Variants in CACNA1E observed in about 807,000 individuals in gnomAD.
CACNA1E encodes the protein calcium voltage-gated channel subunit alpha1 E.
In CACNA1E, 40 loss-of-function variants were observed where a neutral mutation model predicts 259.2. The observed-to-expected ratio is 0.15, with a 90% CI of 0.12 to 0.20. The LOEUF (loss-of-function observed/expected upper bound fraction) is 0.20, where lower values mean the gene tolerates loss of function less well. Ranked by LOEUF, CACNA1E falls within the 10% of genes least tolerant of loss-of-function variation. The pLI is 1.00. For synonymous variants in CACNA1E, 1,104 were observed against 1,138.5 expected, an observed-to-expected ratio of 0.97 and a Z score of 0.61; for missense variants, 1,874 against 3,040.1, an observed-to-expected ratio of 0.62 and a Z score of 9.02.
At chr1:181,541,987 T>A (rs1272558296) in intron 3 of CACNA1E, among the ~76,000 whole-genome samples, 3 of 152,194 alleles carry the variant, frequency 2.0e-5, no homozygotes, top group Non-Finnish European at 4.4e-5. Context: ...CATTGCCATA[T>A]CTTCCTTGCT....
At chr1:181,770,498 A>G (rs563756011) in intron 35 of CACNA1E, among the ~76,000 whole-genome samples, 100 of 152,154 alleles carry the variant, frequency 6.6e-4, no homozygotes, top group African/African-American at 2.4e-3. Flanking sequence ...AGATCAGCAA[A>G]TCTCATTCTG....
intron 1 of CACNA1E, among the ~76,000 whole-genome samples, chr1:181,406,502 T>G (rs1254384394): frequency 6.6e-6 from 1 of 152,142 alleles, no homozygotes; most frequent in Non-Finnish European, 1.5e-5. Flanking sequence ...GTTCAAGAAA[T>G]TCTCTGCCTC....
At chr1:181,536,654 G>T (rs1487344461) in intron 3 of CACNA1E, among the ~76,000 whole-genome samples, 1 of 152,120 alleles carries the variant, frequency 6.6e-6, no homozygotes, top group African/African-American at 2.4e-5. Flanking sequence ...ATGTCTGTTT[G>T]TGCAAACTTC....
chr1:181,612,468 A>G (rs1360243113), intron 6 of CACNA1E, among the ~76,000 whole-genome samples: 2 of 152,154 alleles, frequency 1.3e-5, no homozygotes, highest in Non-Finnish European at 1.5e-5. Flanking sequence ...GAAACAATCA[A>G]CTGTCAGGGC....
chr1:181,711,354 C>T (rs1025628522), intron 8 of CACNA1E, among the ~76,000 whole-genome samples: 2 of 152,132 alleles, frequency 1.3e-5, no homozygotes, highest in East Asian at 1.9e-4. Context: ...GGGCTGATGG[C>T]GTTTTGTAAT....
At chr1:181,548,152 T>C (rs1647717304) in intron 3 of CACNA1E, among the ~76,000 whole-genome samples, 1 of 139,496 alleles carries the variant, frequency 7.2e-6, no homozygotes, top group Non-Finnish European at 1.6e-5. Context: ...TGAGTCAGGG[T>C]CTCATTCTGT....
intron 3 of CACNA1E, among the ~76,000 whole-genome samples, chr1:181,576,856 T>C (rs1364929555): frequency 1.3e-5 from 2 of 152,214 alleles, no homozygotes; most frequent in African/African-American, 4.8e-5. Flanking sequence ...AAATACCATG[T>C]CATTTTATTT....
At chr1:181,362,955 G>A (rs188963613) in intron 1 of CACNA1E, among the ~76,000 whole-genome samples, 1 of 152,298 alleles carries the variant, frequency 6.6e-6, no homozygotes, top group Admixed American at 6.5e-5. Context: ...CAAGAGGCGT[G>A]GAGAGAGGGT....
At chr1:181,346,765 T>C (rs1652624336) in intron 1 of CACNA1E, among the ~76,000 whole-genome samples, 1 of 152,166 alleles carries the variant, frequency 6.6e-6, no homozygotes, top group South Asian at 2.1e-4. Context: ...GGAGGCACCA[T>C]GGGCAGGGAC....
At chr1:181,579,015 C>T (rs1651257602) in intron 4 of CACNA1E, 57 bp from the exon 5 acceptor site, 4 of 1,423,222 alleles carry the variant, frequency 2.8e-6, no homozygotes, top group Non-Finnish European at 3.8e-6. Context: ...CTAATCCTCC[C>T]CTATCAGATG....
At chr1:181,779,690 C>G (rs1401036400) in intron 38 of CACNA1E, among the ~76,000 whole-genome samples, 3 of 152,122 alleles carry the variant, frequency 2.0e-5, no homozygotes, top group Admixed American at 2.0e-4. Flanking sequence ...CTTCCAGAAC[C>G]AGCAGCTGTT....
At chr1:181,654,756 G>A (rs527668797) in intron 7 of CACNA1E, among the ~76,000 whole-genome samples, 2 of 152,124 alleles carry the variant, frequency 1.3e-5, no homozygotes, top group South Asian at 2.1e-4. Context: ...AGGCCGAGGC[G>A]GGCAGATCAC....
chr1:181,362,541 A>T lies in CACNA1E; in HGVS notation c.-15+44418A>T, dbSNP rs78604848. Among the ~76,000 whole-genome samples, 1,041 of 152,316 alleles carry T rather than the reference A, an allele frequency of 6.8e-3. 9 individuals carry two copies. The highest frequency in any genetic ancestry group is 0.024 in the African/African-American group (987 of 41,560). On this transcript the variant is annotated intron_variant, in intron 1 of 11. Transcript: ENST00000524607. ...GAGATGATGATACTGTTTGCCTCAC[A>T]CATCTTACAGGCTTGTTGCTTGAAA...
At chr1:181,699,796 G>C (rs1652054263) in intron 7 of CACNA1E, among the ~76,000 whole-genome samples, 1 of 152,102 alleles carries the variant, frequency 6.6e-6, no homozygotes, top group Non-Finnish European at 1.5e-5. Flanking sequence ...GGCTGAGGTT[G>C]GGATGAGAAA....
intron 1 of CACNA1E, among the ~76,000 whole-genome samples, chr1:181,369,231 G>A (rs1317664537): frequency 1.3e-5 from 2 of 152,244 alleles, no homozygotes; most frequent in African/African-American, 4.8e-5. Context: ...TCCACTAATT[G>A]AAGCCTTGCT....
chr1:181,751,213 G>A (rs532363677), intron 26 of CACNA1E, among the ~76,000 whole-genome samples: 6 of 152,280 alleles, frequency 3.9e-5, no homozygotes, highest in South Asian at 2.1e-4. Context: ...TATCTCAGGG[G>A]ATGAACAGAG....
chr1:181,798,627 T>C lies in CACNA1E; in HGVS notation c.6735T>C (p.Gly2245=), dbSNP rs2102912349. ...LHEDSHASDC[G]EEETLTFEAA... ...AAGACTCCCACGCCTCAGACTGTGG[T>C]GAGGAGGAGACGCTCACTTTCGAAG... Residue 2245 remains glycine, a synonymous_variant, in exon 48 of 48, where the codon GGT becomes GGC. Transcript: ENST00000367573. The surrounding 1 kb of genome is among the most constrained non-coding windows in gnomAD (Gnocchi z 4.2). 1 of 1,612,162 alleles carries C rather than the reference T, an allele frequency of 6.2e-7. No homozygotes were observed. The highest frequency in any genetic ancestry group is 8.5e-7 in the Non-Finnish European group (1 of 1,178,940).
At chr1:181,668,785 T>A (rs1264294793) in intron 7 of CACNA1E, 1 of 152,144 alleles carries the variant, frequency 6.6e-6, no homozygotes, top group Admixed American at 6.6e-5. Context: ...ATCCCAGCAC[T>A]TTGAGAGGTT....
At chr1:181,386,280 G>A (rs570787127) in intron 1 of CACNA1E, among the ~76,000 whole-genome samples, 8 of 152,306 alleles carry the variant, frequency 5.3e-5, no homozygotes, top group South Asian at 2.1e-4. Context: ...GGGATACTTT[G>A]ACGGTGAGAA....
Sources: gnomAD v4.1 joint callset for allele counts (sites outside exome capture counted in the v4.1 genomes callset) on GRCh38, gnomAD v4.1.1 for gene constraint, Gnocchi (gnomAD v3.1) non-coding constraint, MANE v1.5 for transcripts, NCBI Gene and HGNC (gene_info 2026-07-23, HGNC 2026-07-21) for gene names.